Variants in PTPRZ1 observed in about 807,000 individuals in gnomAD.
PTPRZ1 encodes receptor-type tyrosine-protein phosphatase zeta.
In PTPRZ1, 82 loss-of-function variants were observed where a neutral mutation model predicts 214.1. That is an observed-to-expected ratio of 0.38 (90% CI 0.32 to 0.46). PTPRZ1 has a LOEUF of 0.46. Among genes scored for constraint, PTPRZ1 ranks in the 20% least tolerant of loss-of-function variants. PTPRZ1 has a pLI of 1.00. For missense variants in PTPRZ1, 2,603 were observed against 2,748.7 expected (o/e 0.95, Z 1.19); for synonymous variants, 945 against 987.9 (o/e 0.96, Z 0.81).
intron 2 of PTPRZ1, among the ~76,000 whole-genome samples, chr7:121,953,151 T>C (rs564055228): frequency 2.0e-3 from 311 of 152,356 alleles, no homozygotes; most frequent in African/African-American, 6.9e-3. Flanking sequence ...TTTGGTTTAA[T>C]TATCACTTAA....
At chr7:121,881,815 C>T (rs553566613) in intron 1 of PTPRZ1, among the ~76,000 whole-genome samples, 1 of 152,206 alleles carries the variant, frequency 6.6e-6, no homozygotes, top group South Asian at 2.1e-4. Flanking sequence ...AACCAGCTTC[C>T]GAGATGGGGA....
At chr7:121,925,930 C>T (rs1287754146) in intron 1 of PTPRZ1, among the ~76,000 whole-genome samples, 4 of 152,076 alleles carry the variant, frequency 2.6e-5, no homozygotes, top group Admixed American at 6.5e-5. Context: ...AGAGGTAGTT[C>T]CCAGGTCCTT....
chr7:122,043,431 C>G (rs1265207712), intron 22 of PTPRZ1, among the ~76,000 whole-genome samples: 1 of 152,088 alleles, frequency 6.6e-6, no homozygotes, highest in Non-Finnish European at 1.5e-5. Context: ...ATGAATTATG[C>G]TTAAATTATA....
intron 1 of PTPRZ1, among the ~76,000 whole-genome samples, chr7:121,917,477 G>A (rs1795459695): frequency 1.3e-5 from 2 of 152,068 alleles, no homozygotes; most frequent in Admixed American, 6.6e-5. Flanking sequence ...AAAAAAACAT[G>A]CAGGGCACAT....
chr7:121,927,252 A>G (rs961328114), intron 1 of PTPRZ1, among the ~76,000 whole-genome samples: 1 of 152,240 alleles, frequency 6.6e-6, no homozygotes, highest in Non-Finnish European at 1.5e-5. Flanking sequence ...TGCCATCCGC[A>G]ATCAGGTTCC....
intron 8 of PTPRZ1, among the ~76,000 whole-genome samples, chr7:121,986,100 G>T (rs1482655779): frequency 6.6e-6 from 1 of 152,164 alleles, no homozygotes; most frequent in Non-Finnish European, 1.5e-5. Context: ...TCACAGTTAA[G>T]TGTTAAAGGC....
chr7:122,048,034 T>C (rs942499117), intron 23 of PTPRZ1, among the ~76,000 whole-genome samples: 16 of 152,116 alleles, frequency 1.1e-4, no homozygotes, highest in African/African-American at 3.6e-4. Flanking sequence ...CTATATCATA[T>C]CAGTCATTTT....
At chr7:121,946,281 A>G (rs755270095) in intron 2 of PTPRZ1, among the ~76,000 whole-genome samples, 1 of 152,218 alleles carries the variant, frequency 6.6e-6, no homozygotes, top group Non-Finnish European at 1.5e-5. Context: ...GTATTCCTGT[A>G]TGTGGTAATA....
chr7:122,013,902 T>A lies in PTPRZ1; in HGVS notation c.4843+13T>A. On this transcript the variant is annotated intron_variant, in intron 12 of 29. Coordinates refer to ENST00000393386, the MANE Select transcript of PTPRZ1 (RefSeq NM_002851.3). ...GTTTCAGAGGCAGGTTAGTTACGGA[T>A]CAGAAGGACAGATTGAGGTGTGGTG... 6.3e-7 allele frequency: 1 copy of A among 1,575,240 alleles called. No individual in the cohort carries two copies. The highest frequency in any genetic ancestry group is 8.6e-7 in the Non-Finnish European group (1 of 1,158,118).
At chr7:122,048,768 T>C (rs1792079377) in intron 23 of PTPRZ1, among the ~76,000 whole-genome samples, 1 of 152,120 alleles carries the variant, frequency 6.6e-6, no homozygotes, top group Non-Finnish European at 1.5e-5. Context: ...CTTCAAAATA[T>C]AACCAGGCCC....
chr7:122,028,724 G>T, intron 14 of PTPRZ1, 81 bp downstream of exon 14: 2 of 1,093,648 alleles, frequency 1.8e-6, no homozygotes, highest in Non-Finnish European at 2.8e-6. Flanking sequence ...TTTTTATCGG[G>T]ACACTATGCA....
chr7:122,011,240 T>C lies in PTPRZ1; in HGVS notation c.2194T>C (p.Ser732Pro). The change falls in exon 12 of 30, where the codon TCC becomes CCC. Residue 732 changes from serine (S) to proline (P), a missense_variant. Around this residue, in one of 6 missense-constraint regions of PTPRZ1, gnomAD observed 1,913 missense variants for 1,914.3 expected, o/e 1.00. Coordinates refer to ENST00000393386, the MANE Select transcript of PTPRZ1 (RefSeq NM_002851.3). ...EVTPHAFTPSSRQQDLVSTVN... is the reference protein window; with the variant it reads ...EVTPHAFTPSPRQQDLVSTVN... Reference sequence around the variant, plus strand: ...AACACCTCATGCTTTTACCCCATCCTCCAGACAACAGGATTTGGTCTCCAC... The same window carrying C: ...AACACCTCATGCTTTTACCCCATCCCCCAGACAACAGGATTTGGTCTCCAC... 1.2e-6 allele frequency: 2 copies of C among 1,614,036 alleles called. No homozygotes were observed. The highest frequency in any genetic ancestry group is 1.7e-6 in the Non-Finnish European group (2 of 1,179,982).
At chr7:121,989,594 G>A (rs949079641) in intron 8 of PTPRZ1, among the ~76,000 whole-genome samples, 5 of 151,994 alleles carry the variant, frequency 3.3e-5, no homozygotes, top group African/African-American at 1.2e-4. Flanking sequence ...GGCTGGTCTT[G>A]AACTCCCGAA....
At chr7:121,940,230 A>G (rs182105152) in intron 2 of PTPRZ1, among the ~76,000 whole-genome samples, 75 of 152,308 alleles carry the variant, frequency 4.9e-4, no homozygotes, top group Admixed American at 7.8e-4. Context: ...GATGTTAGGC[A>G]TGATTTTACA....
At chr7:121,953,760 AGTGTAGATCAAAGAAAACG>A (rs1393287311) in intron 2 of PTPRZ1, among the ~76,000 whole-genome samples, 7 of 152,200 alleles carry the variant, frequency 4.6e-5, no homozygotes, top group East Asian at 1.9e-4. Flanking sequence ...AGGAGAGCTC[AGTGTAGATCAAAGAAAACG>A]GTGTAGATCA....
chr7:121,922,023 T>C (rs1275072794), intron 1 of PTPRZ1, among the ~76,000 whole-genome samples: 4 of 152,198 alleles, frequency 2.6e-5, no homozygotes, highest in South Asian at 2.1e-4. Flanking sequence ...ATCCTTAACA[T>C]TGAATGACAG....
At chr7:121,883,871 C>A (rs1251360052) in intron 1 of PTPRZ1, among the ~76,000 whole-genome samples, 1 of 152,152 alleles carries the variant, frequency 6.6e-6, no homozygotes, top group Non-Finnish European at 1.5e-5. Context: ...GGTGGTCCAC[C>A]CTCCTCGGCC....
chr7:121,943,901 A>T (rs1419125174), intron 2 of PTPRZ1, among the ~76,000 whole-genome samples: 1 of 152,164 alleles, frequency 6.6e-6, no homozygotes, highest in Non-Finnish European at 1.5e-5. Context: ...TGAATGATGG[A>T]GTGAAGAAGA....
At chr7:121,973,582 C>T (rs1797323540) in intron 4 of PTPRZ1, among the ~76,000 whole-genome samples, 2 of 152,090 alleles carry the variant, frequency 1.3e-5, no homozygotes, top group South Asian at 4.1e-4. Context: ...ATAGTAGCTG[C>T]ACCTGCCTTA....
Sources: allele counts gnomAD v4.1 joint callset (sites outside exome capture counted in the v4.1 genomes callset), GRCh38; gene constraint gnomAD v4.1.1; regional missense constraint gnomAD v4.1.1; transcripts MANE v1.5; gene names NCBI Gene and HGNC (gene_info 2026-07-23, HGNC 2026-07-21).